PHLPP2: variants seen among roughly 807,000 people sequenced by gnomAD.
PHLPP2 encodes the protein PH domain leucine-rich repeat-containing protein phosphatase 2.
In PHLPP2, 66 loss-of-function variants were observed where a neutral mutation model predicts 124.9. The observed-to-expected ratio is 0.53, with a 90% CI of 0.43 to 0.65. PHLPP2 has a LOEUF of 0.65. Ranked by LOEUF, PHLPP2 falls within the 30% of genes least tolerant of loss-of-function variation. The pLI is 0.00. For synonymous variants in PHLPP2, 681 were observed against 624.7 expected, an observed-to-expected ratio of 1.09 and a Z score of -1.34; for missense variants, 1,685 against 1,600.4, an observed-to-expected ratio of 1.05 and a Z score of -0.90.
At chr16:71,675,332 T>TA (rs1285957031) in intron 9 of PHLPP2, among the ~76,000 whole-genome samples, 1 of 152,206 alleles carries the variant, frequency 6.6e-6, no homozygotes, top group Non-Finnish European at 1.5e-5. Context: ...TTTCCTTCCT[T>TA]AAACACATAT....
intron 1 of PHLPP2, among the ~76,000 whole-genome samples, chr16:71,722,604 C>A (rs1426516684): frequency 6.6e-6 from 1 of 152,190 alleles, no homozygotes; most frequent in Non-Finnish European, 1.5e-5. Context: ...TGCTGAACCT[C>A]AATCCCAATA....
At chr16:71,705,098 C>G (rs1323563298) in intron 2 of PHLPP2, among the ~76,000 whole-genome samples, 2 of 152,148 alleles carry the variant, frequency 1.3e-5, no homozygotes, top group African/African-American at 4.8e-5. Flanking sequence ...ATGAAATGAA[C>G]TGCCTCTCAG....
chr16:71,723,817 CGGCTCCGGGG>C, intron 1 of PHLPP2: 1 of 1,283,688 alleles, frequency 7.8e-7, no homozygotes, highest in African/African-American at 1.6e-5. Flanking sequence ...GCGCTTCGGG[CGGCTCCGGGG>C]GCTCCAGCGG....
intron 13 of PHLPP2, among the ~76,000 whole-genome samples, chr16:71,660,856 T>A (rs2044783356): frequency 6.6e-6 from 1 of 152,106 alleles, no homozygotes; most frequent in African/African-American, 2.4e-5. Flanking sequence ...CCCAGAACTG[T>A]GCTAGATTCT....
At chr16:71,672,386 A>G (rs2044902920) in intron 9 of PHLPP2, 64 bp from the exon 10 acceptor site, 2 of 1,153,782 alleles carry the variant, frequency 1.7e-6, no homozygotes, top group African/African-American at 1.5e-5. Flanking sequence ...GAGAGCTGAC[A>G]ATGGAAAAGT....
At chr16:71,682,670 A>G (rs1016831570) in intron 5 of PHLPP2, among the ~76,000 whole-genome samples, 1 of 152,206 alleles carries the variant, frequency 6.6e-6, no homozygotes, top group African/African-American at 2.4e-5. Flanking sequence ...AAAGACACTC[A>G]AAAAATATTA....
intron 4 of PHLPP2, among the ~76,000 whole-genome samples, chr16:71,690,021 G>C (rs544671636): frequency 1.8e-3 from 268 of 152,194 alleles, no homozygotes; most frequent in South Asian, 0.011. Context: ...TCTGTTTATG[G>C]TCATTTGTCA....
At position 71,719,964 on chromosome 16, in the gene PHLPP2, ATTTTT is replaced by A. The variant is rs756642820; in HGVS notation, c.-7+4360_-7+4364del. On this transcript the variant is annotated intron_variant, in intron 1 of 18. Transcript: ENST00000568954. ...AGGTGCACAACACCATGCCCAGCTA[ATTTTT>A]TTTTTTTTTTTTTTTTTTTGAGACG... Among the ~76,000 whole-genome samples the A allele has an allele frequency of 6.9e-3, 370 of 53,244 alleles. 10 individuals are homozygous for A. The highest frequency in any genetic ancestry group is 0.029 in the African/African-American group (353 of 11,980). The allele number at this position is 53,244 out of a possible 152,430, so 34.9% of individuals were successfully genotyped here.
rs201607344 is a variant in PHLPP2 at position 71,658,729 on chromosome 16, T to C, written c.2072A>G (p.Lys691Arg). Reference protein sequence around the residue: ...KTIPTTIANCKRLHTLVAHSN... With the variant: ...KTIPTTIANCRRLHTLVAHSN... ...GTGTGCAACAAGGGTGTGCAGCCTT[T>C]TACAGTTTGCTATGGTTGTGGGAAT... is the stretch of plus-strand genomic sequence containing the variant. Residue 691 changes from lysine (K) to arginine (R), a missense_variant, in exon 14 of 19, where the codon AAA becomes AGA. Transcript: ENST00000568954. 5.9e-5 allele frequency: 96 copies of C among 1,614,020 alleles called. No homozygotes were observed. The highest frequency in any genetic ancestry group is 8.1e-5 in the Non-Finnish European group (95 of 1,180,026).
chr16:71,662,999 C>G (rs1375345320), intron 13 of PHLPP2, among the ~76,000 whole-genome samples: 1 of 152,204 alleles, frequency 6.6e-6, no homozygotes, highest in East Asian at 1.9e-4. Context: ...TGGCTAACTA[C>G]TATTCATCTC....
chr16:71,653,056 G>C, intron 17 of PHLPP2, 35 bp from the exon 18 acceptor site: 1 of 1,432,392 alleles, frequency 7.0e-7, no homozygotes, highest in Non-Finnish European at 9.7e-7. Flanking sequence ...AGACGTGGTG[G>C]CTAGTTTTAG....
In PHLPP2 at chr16:71,713,606, G is replaced by A. The variant is rs367604469; in HGVS notation, c.284+906C>T. The stretch of plus-strand genomic sequence containing the variant: ...TAGAAGACTGGCTAAAATTATAGTA[G>A]ACTCAAAATTGAACACTACTGCAGC... On this transcript the variant is annotated intron_variant, in intron 2 of 18. Coordinates refer to ENST00000568954, the MANE Select transcript of PHLPP2 (RefSeq NM_015020.3). 4.6e-5 allele frequency among the ~76,000 whole-genome samples: 7 copies of A among 152,124 alleles called. No individual in the cohort carries two copies. In the East Asian group the frequency reaches 1.2e-3, roughly 25 times the overall value.
intron 2 of PHLPP2, among the ~76,000 whole-genome samples, chr16:71,705,525 T>G (rs1378494836): frequency 6.6e-6 from 1 of 152,204 alleles, no homozygotes; most frequent in African/African-American, 2.4e-5. Context: ...CTTTTTCTTT[T>G]TTTTGAGCCG....
In PHLPP2 at chr16:71,676,622, A is replaced by C. The variant is rs1361893816; in HGVS notation, c.1296T>G (p.Ile432Met). The C allele has an allele frequency of 1.2e-6, 2 of 1,613,712 alleles. No individual in the cohort carries two copies. The highest frequency in any genetic ancestry group is 2.2e-5 in the East Asian group (1 of 44,880). The change falls in exon 9 of 19, where the codon ATT becomes ATG. Residue 432 changes from isoleucine (I) to methionine (M), a missense_variant. By Grantham distance (10) the Ile-to-Met change is conservative (BLOSUM62 1). Transcript: ENST00000568954. ...LRMNHLKTMV[I>M]ENLEGNKHIT... is the part of the protein sequence containing the mutation. ...TGTGTTTATTTCCCTCCAGATTTTC[A>C]ATAACCATGGTTTTCAAATGGTTCA...
At position 71,714,626 on chromosome 16, in the gene PHLPP2, G is replaced by T; in HGVS notation, c.170C>A (p.Ser57Tyr). 1 of 1,613,960 alleles carries T rather than the reference G, an allele frequency of 6.2e-7. No individual in the cohort carries two copies. Among genetic ancestry groups the T allele is most frequent in the Non-Finnish European group, 8.5e-7 (1 of 1,179,838 alleles). Reference protein sequence around the residue: ...TTTSSSSSSSSSSSDLHLVLC... With the variant: ...TTTSSSSSSSYSSSDLHLVLC... The stretch of plus-strand genomic sequence containing the variant: ...GACGAGATGTAAGTCAGAGGAAGAG[G>T]AGGAGGAGGAAGAGGAAGAGGAGGT... Residue 57 changes from serine to tyrosine, a missense_variant, in exon 2 of 19, where the codon TCC becomes TAC. Physicochemically the swap from Ser to Tyr is moderately radical, Grantham distance 144. Transcript: ENST00000568954.
intron 3 of PHLPP2, among the ~76,000 whole-genome samples, chr16:71,695,909 T>C (rs2045165264): frequency 6.6e-6 from 1 of 152,142 alleles, no homozygotes; most frequent in South Asian, 2.1e-4. Flanking sequence ...TGAACAGATA[T>C]ACACCAAATT....
chr16:71,687,638 C>G (rs1057311637), intron 4 of PHLPP2, among the ~76,000 whole-genome samples: 1 of 151,794 alleles, frequency 6.6e-6, no homozygotes, highest in Non-Finnish European at 1.5e-5. Flanking sequence ...TTCTCTTTTC[C>G]TCCTCTAATT....
intron 17 of PHLPP2, among the ~76,000 whole-genome samples, chr16:71,653,916 C>G (rs181454402): frequency 2.0e-5 from 3 of 152,240 alleles, no homozygotes; most frequent in African/African-American, 7.2e-5. Context: ...AAAAAATTAG[C>G]CTGGTGCAGT....
chr16:71,702,562 AG>A, intron 3 of PHLPP2, 35 bp downstream of exon 3: 1 of 1,567,660 alleles, frequency 6.4e-7, no homozygotes, highest in South Asian at 1.1e-5. Context: ...TCAACCTAAA[AG>A]TAGTTAACAT....
Sources: allele counts gnomAD v4.1 joint callset (sites outside exome capture counted in the v4.1 genomes callset), GRCh38; gene constraint gnomAD v4.1.1; transcripts MANE v1.5; gene names NCBI Gene and HGNC (gene_info 2026-07-23, HGNC 2026-07-21).